Variants in RBFOX1 observed in about 807,000 individuals in gnomAD.
The protein encoded by RBFOX1 is RNA binding protein fox-1 homolog 1.
RBFOX1 carries 8 observed loss-of-function variants against 57.7 expected under a neutral mutation model. The ratio of observed to expected loss-of-function variants is 0.14; its 90% confidence interval spans 0.08 to 0.25. The LOEUF is 0.25. Ranked by LOEUF, RBFOX1 falls within the 10% of genes least tolerant of loss-of-function variation. The pLI, the probability that RBFOX1 is intolerant of heterozygous loss-of-function variation, is 1.00. For synonymous variants in RBFOX1, 326 were observed against 222.4 expected (o/e 1.47, Z -4.15); for missense variants, 611 against 548.5 (o/e 1.11, Z -1.14).
chr16:6,595,954 T>C (rs1449369419), intron 2 of RBFOX1, among the ~76,000 whole-genome samples: 1 of 152,060 alleles, frequency 6.6e-6, no homozygotes, highest in African/African-American at 2.4e-5. Flanking sequence ...TTTTATTAAG[T>C]TTTATATAAG....
At chr16:5,677,289 G>A (rs2050196871) in intron 3 of RBFOX1, among the ~76,000 whole-genome samples, 1 of 152,204 alleles carries the variant, frequency 6.6e-6, no homozygotes, top group South Asian at 2.1e-4. Context: ...CTATGAGAAG[G>A]CAAGTTTCCA....
At chr16:7,440,213 A>G (rs1002516196) in intron 4 of RBFOX1, among the ~76,000 whole-genome samples, 1 of 152,156 alleles carries the variant, frequency 6.6e-6, no homozygotes, top group African/African-American at 2.4e-5. Context: ...TTTTATGGTA[A>G]CATAAATTCA....
chr16:6,416,124 C>T (rs1441722164), intron 2 of RBFOX1, among the ~76,000 whole-genome samples: 7 of 152,190 alleles, frequency 4.6e-5, no homozygotes, highest in Admixed American at 3.3e-4. Flanking sequence ...AAACAAAAGC[C>T]GTGTCTACTT....
intron 4 of RBFOX1, among the ~76,000 whole-genome samples, chr16:7,419,698 T>C (rs1311784030): frequency 5.3e-5 from 8 of 152,198 alleles, no homozygotes; most frequent in African/African-American, 1.9e-4. Context: ...GACCCTCCAG[T>C]AGTTCCTGTT....
intron 3 of RBFOX1, among the ~76,000 whole-genome samples, chr16:5,629,722 C>G (rs1458185924): frequency 6.6e-6 from 1 of 152,188 alleles, no homozygotes; most frequent in Non-Finnish European, 1.5e-5. Flanking sequence ...TTGTGTTTCT[C>G]CAACTCTTGT....
intron 3 of RBFOX1, among the ~76,000 whole-genome samples, chr16:6,695,053 T>C (rs1189110485): frequency 6.6e-6 from 1 of 152,066 alleles, no homozygotes; most frequent in Non-Finnish European, 1.5e-5. Flanking sequence ...TTGATGCATA[T>C]GGAGAAGAAC....
intron 1 of RBFOX1, among the ~76,000 whole-genome samples, chr16:6,139,629 C>G (rs773820368): frequency 5.3e-5 from 8 of 152,248 alleles, no homozygotes; most frequent in Non-Finnish European, 1.0e-4. Flanking sequence ...ACCCATGTAA[C>G]TGCTTTCTCC....
chr16:7,299,951 C>T (rs978880865), intron 4 of RBFOX1, among the ~76,000 whole-genome samples: 2 of 152,184 alleles, frequency 1.3e-5, no homozygotes, highest in Admixed American at 6.5e-5. Context: ...GTGACCCCAT[C>T]GCAAGTCAGG....
At chr16:7,070,284 G>T in intron 4 of RBFOX1, among the ~76,000 whole-genome samples, 1 of 152,170 alleles carries the variant, frequency 6.6e-6, no homozygotes, top group African/African-American at 2.4e-5. Flanking sequence ...TTGCCTCAGT[G>T]TGGTTTCTTA....
intron 4 of RBFOX1, among the ~76,000 whole-genome samples, chr16:7,148,571 G>A (rs1184167797): frequency 1.3e-5 from 2 of 152,184 alleles, no homozygotes; most frequent in Non-Finnish European, 2.9e-5. Flanking sequence ...CTGTTTGATC[G>A]AGAATGGAGA....
At chr16:6,505,420 T>C (rs1216812022) in intron 2 of RBFOX1, among the ~76,000 whole-genome samples, 1 of 152,184 alleles carries the variant, frequency 6.6e-6, no homozygotes, top group African/African-American at 2.4e-5. Context: ...GGAAACAAAA[T>C]GCTCCCATTA....
intron 2 of RBFOX1, among the ~76,000 whole-genome samples, chr16:5,467,878 G>A (rs1379062460): frequency 6.6e-6 from 1 of 152,140 alleles, no homozygotes; most frequent in Non-Finnish European, 1.5e-5. Flanking sequence ...ATGTAAGAAT[G>A]TTTTTCCTCA....
At chr16:6,362,016 C>G (rs866428600) in intron 2 of RBFOX1, among the ~76,000 whole-genome samples, 5 of 152,240 alleles carry the variant, frequency 3.3e-5, no homozygotes, top group Middle Eastern at 3.4e-3. Flanking sequence ...CCTTCATGCT[C>G]AAGGAGCTTA....
chr16:5,900,841 C>G (rs1346507821), intron 4 of RBFOX1, among the ~76,000 whole-genome samples: 1 of 152,180 alleles, frequency 6.6e-6, no homozygotes, highest in African/African-American at 2.4e-5. Context: ...TGCAGGAGCT[C>G]CCTCCCGGCC....
At chr16:5,814,925 G>C (rs1170674217) in intron 3 of RBFOX1, among the ~76,000 whole-genome samples, 1 of 151,378 alleles carries the variant, frequency 6.6e-6, no homozygotes, top group Non-Finnish European at 1.5e-5. Context: ...GACAGAGCGA[G>C]ACTCCGTCTC....
intron 4 of RBFOX1, among the ~76,000 whole-genome samples, chr16:5,869,655 G>A (rs1240237742): frequency 1.3e-5 from 2 of 152,032 alleles, no homozygotes; most frequent in Non-Finnish European, 1.5e-5. Context: ...TGCCCTCCTC[G>A]GCCTCCCAAA....
At chr16:6,203,887 C>T (rs2097234459) in intron 1 of RBFOX1, among the ~76,000 whole-genome samples, 1 of 152,038 alleles carries the variant, frequency 6.6e-6, no homozygotes, top group South Asian at 2.1e-4. Context: ...CAAGGCAAAG[C>T]AACCTGCCTA....
At chr16:7,259,353 G>A (rs576117141) in intron 4 of RBFOX1, among the ~76,000 whole-genome samples, 29 of 152,072 alleles carry the variant, frequency 1.9e-4, no homozygotes, top group Non-Finnish European at 3.8e-4. Context: ...AACCAAAAGC[G>A]AATGGGTTCC....
intron 2 of RBFOX1, among the ~76,000 whole-genome samples, chr16:6,651,658 A>T (rs1035385365): frequency 1.4e-4 from 21 of 152,310 alleles, no homozygotes; most frequent in African/African-American, 4.8e-4. Flanking sequence ...TGGTTCCTCA[A>T]AAAATGAAAC....
Sources: gnomAD v4.1 joint callset for allele counts (sites outside exome capture counted in the v4.1 genomes callset) on GRCh38, gnomAD v4.1.1 for gene constraint, MANE v1.5 for transcripts, NCBI Gene and HGNC (gene_info 2026-07-23, HGNC 2026-07-21) for gene names.